CD82: variants seen among roughly 807,000 people sequenced by gnomAD.
The protein encoded by CD82 is CD82 molecule, also known as CD82 antigen.
In CD82, 36 loss-of-function variants were observed where a neutral mutation model predicts 37.4. The ratio of observed to expected loss-of-function variants is 0.96; its 90% CI spans 0.74 to 1.27. CD82 has a LOEUF of 1.27. Ranked by LOEUF, CD82 falls within the 50% of genes most tolerant of loss-of-function variation. The pLI is 0.00. For synonymous variants in CD82, 158 were observed against 137.4 expected, an observed-to-expected ratio of 1.15 and a Z score of -1.05; for missense variants, 340 against 347.0, an observed-to-expected ratio of 0.98 and a Z score of 0.16.
intron 1 of CD82, among the ~76,000 whole-genome samples, chr11:44,577,366 C>T (rs1173408709): frequency 6.6e-6 from 1 of 152,070 alleles, no homozygotes; most frequent in Non-Finnish European, 1.5e-5. Context: ...TTCTTCTACA[C>T]CTGGCTCCAG....
chr11:44,607,610 C>G (rs1021136282), intron 6 of CD82, among the ~76,000 whole-genome samples: 1 of 152,216 alleles, frequency 6.6e-6, no homozygotes, highest in Admixed American at 6.5e-5. Context: ...CAGGTTGGCA[C>G]CAACCACATG....
At chr11:44,614,497 C>T (rs890795000) in intron 6 of CD82, among the ~76,000 whole-genome samples, 4 of 152,370 alleles carry the variant, frequency 2.6e-5, no homozygotes, top group East Asian at 1.9e-4. Context: ...GCGCTAGCCA[C>T]GGGGGACCCT....
chr11:44,572,418 C>G lies in CD82; in HGVS notation c.-103+6682C>G, dbSNP rs556501332. 1.8e-4 allele frequency among the ~76,000 whole-genome samples: 28 copies of G among 152,336 alleles called. No individual in the cohort carries two copies. In the Middle Eastern group the frequency reaches 0.01, roughly 56 times the overall value. ...ATTCATACAATGAAGCTATAAAAAA[C>G]ATACCACACATATTTGAACAAAAAT... is the stretch of plus-strand genomic sequence containing the variant. On this transcript the variant is annotated intron_variant, in intron 1 of 9. Transcript: ENST00000227155.
intron 6 of CD82, among the ~76,000 whole-genome samples, chr11:44,608,988 G>A (rs900103585): frequency 6.6e-6 from 1 of 152,238 alleles, no homozygotes; most frequent in Admixed American, 6.5e-5. Context: ...TATTATTGCC[G>A]CCATTATTCA....
intron 1 of CD82, among the ~76,000 whole-genome samples, chr11:44,579,230 T>C (rs1287714247): frequency 3.5e-5 from 4 of 114,178 alleles, no homozygotes; most frequent in Non-Finnish European, 7.2e-5. Flanking sequence ...TCATTGTTAA[T>C]GGGAGGTAGA....
chr11:44,602,107 G>A (rs1349390980), intron 4 of CD82, among the ~76,000 whole-genome samples: 1 of 152,168 alleles, frequency 6.6e-6, no homozygotes, highest in Non-Finnish European at 1.5e-5. Flanking sequence ...AGCTGGTAGG[G>A]GAGCTGGCTG....
At chr11:44,594,996 G>T in intron 3 of CD82, 1 of 490,412 alleles carries the variant, frequency 2.0e-6, no homozygotes, top group Non-Finnish European at 3.7e-6. Context: ...GTGGGTATGG[G>T]GAAGGAGAGG....
At chr11:44,615,108 C>T (rs895743879) in intron 6 of CD82, among the ~76,000 whole-genome samples, 164 bp from the exon 7 acceptor site, 2 of 152,166 alleles carry the variant, frequency 1.3e-5, no homozygotes, top group African/African-American at 4.8e-5. Flanking sequence ...GTGGTTGGCA[C>T]TGCCTGCATC....
At chr11:44,594,202 C>T (rs1049702742) in intron 2 of CD82, among the ~76,000 whole-genome samples, 4 of 152,152 alleles carry the variant, frequency 2.6e-5, no homozygotes, top group Admixed American at 2.6e-4. Flanking sequence ...TTGGCAGACC[C>T]CACAACTCCC....
intron 7 of CD82, among the ~76,000 whole-genome samples, chr11:44,616,944 C>A (rs1853572971): frequency 6.6e-6 from 1 of 152,176 alleles, no homozygotes; most frequent in Non-Finnish European, 1.5e-5. Flanking sequence ...GAGGTGCCAG[C>A]CTTTTCTTGG....
At chr11:44,618,412 G>A (rs1232629712) in intron 8 of CD82, 47 bp downstream of exon 8, 7 of 1,515,792 alleles carry the variant, frequency 4.6e-6, no homozygotes, top group South Asian at 1.1e-5. Flanking sequence ...AGGGCGTTGG[G>A]GGCCATCTGG....
In CD82 at chr11:44,597,168, C is replaced by T. The variant is rs546565181; in HGVS notation, c.63+2443C>T. The stretch of plus-strand genomic sequence containing the variant: ...TCCCCGTGGCTGCTATGTGTGCTCG[C>T]GCCTGCGTGCATGTGCACCTGTATG... On this transcript the variant is annotated intron_variant, in intron 3 of 9. Transcript: ENST00000227155. This position sits in a 1 kb window ranked among gnomAD's most constrained non-coding sequence, Gnocchi z 4.1. 7.2e-5 allele frequency among the ~76,000 whole-genome samples: 11 copies of T among 152,282 alleles called. No individual in the cohort carries two copies. In the South Asian group the frequency reaches 1.0e-3, roughly 14 times the overall value.
intron 4 of CD82, among the ~76,000 whole-genome samples, chr11:44,601,410 G>C (rs1346945239): frequency 6.6e-6 from 1 of 151,960 alleles, no homozygotes; most frequent in Non-Finnish European, 1.5e-5. Context: ...TCCATTCTGG[G>C]GTTAGGGTGG....
chr11:44,615,440 C>T (rs1421155148), intron 7 of CD82, 67 bp downstream of exon 7: 50 of 954,244 alleles, frequency 5.2e-5, no homozygotes, highest in Non-Finnish European at 7.8e-5. Flanking sequence ...GCTCTGTGCA[C>T]CCACATGTCT....
chr11:44,585,536 G>A (rs564909868), intron 1 of CD82, among the ~76,000 whole-genome samples: 1 of 152,206 alleles, frequency 6.6e-6, no homozygotes, highest in South Asian at 2.1e-4. Context: ...GCACTAGCCT[G>A]ATGGCGATTC....
intron 8 of CD82, 59 bp downstream of exon 8, chr11:44,618,424 C>T: frequency 6.8e-7 from 1 of 1,460,138 alleles, no homozygotes; most frequent in South Asian, 1.2e-5. Context: ...GCCATCTGGG[C>T]TACTGCTCAG....
At chr11:44,595,444 C>T (rs1187881218) in intron 3 of CD82, among the ~76,000 whole-genome samples, 1 of 151,874 alleles carries the variant, frequency 6.6e-6, no homozygotes, top group Non-Finnish European at 1.5e-5. Flanking sequence ...GACTTCATAG[C>T]CTCAGAGTAG....
rs142351354 is a variant in CD82 at position 44,619,088 on chromosome 11, G to A, written c.766G>A (p.Val256Ile). Residue 256 changes from valine to isoleucine, a missense_variant, in exon 10 of 10, where the codon GTC becomes ATC. Physicochemically the swap from Val to Ile is conservative, Grantham distance 29 (BLOSUM62 3). Transcript: ENST00000227155. ...CCTGTCCATCTGCTTGTGCCGGCAC[G>A]TCCATTCCGAAGACTACAGCAAGGT... Reference protein sequence around the residue: ...MVLSICLCRHVHSEDYSKVPK... With the variant: ...MVLSICLCRHIHSEDYSKVPK... The A allele has an allele frequency of 7.0e-5, 113 of 1,613,368 alleles. No individual in the cohort carries two copies. The highest frequency in any genetic ancestry group is 2.7e-4 in the African/African-American group (20 of 74,774).
chr11:44,581,423 A>C (rs1465840091), intron 1 of CD82, among the ~76,000 whole-genome samples: 1 of 152,238 alleles, frequency 6.6e-6, no homozygotes, highest in Non-Finnish European at 1.5e-5. Flanking sequence ...GACTTGGCAC[A>C]ATGTCTAGCT....
Sources: allele counts gnomAD v4.1 joint callset (sites outside exome capture counted in the v4.1 genomes callset), GRCh38; gene constraint gnomAD v4.1.1; non-coding constraint Gnocchi (gnomAD v3.1); transcripts MANE v1.5; gene names NCBI Gene and HGNC (gene_info 2026-07-23, HGNC 2026-07-21).